BASP1: variants seen among roughly 807,000 people sequenced by gnomAD.
The protein encoded by BASP1 is brain acid soluble protein 1.
BASP1 carries 1 observed loss-of-function variant against 2.2 expected under a neutral mutation model. That is an observed-to-expected ratio of 0.46 (90% CI 0.16 to 2.17). BASP1 has a LOEUF of 2.17. BASP1 is among the 30% of genes most tolerant of loss of function. The pLI is 0.27. For missense variants in BASP1, 352 were observed against 327.2 expected (o/e 1.08, Z -0.58); for synonymous variants, 187 against 154.2 (o/e 1.21, Z -1.58).
At chr5:17,241,784 C>T (rs1467461356) in intron 1 of BASP1, among the ~76,000 whole-genome samples, 1 of 152,164 alleles carries the variant, frequency 6.6e-6, no homozygotes, top group East Asian at 1.9e-4. Context: ...GGAGTCAGAC[C>T]TGTGGGGACA....
At chr5:17,219,237 A>C (rs1305852828) in intron 1 of BASP1, among the ~76,000 whole-genome samples, 1 of 151,944 alleles carries the variant, frequency 6.6e-6, no homozygotes, top group Non-Finnish European at 1.5e-5. Context: ...CAGGGTGTGG[A>C]GGGCCCGGCA....
intron 1 of BASP1, among the ~76,000 whole-genome samples, chr5:17,259,265 C>T (rs7700449): frequency 0.39 from 58,949 of 151,908 alleles, 11,577 homozygotes; most frequent in African/African-American, 0.44. Context: ...TCATTCACCA[C>T]CACAAAAACA....
intron 1 of BASP1, among the ~76,000 whole-genome samples, chr5:17,232,653 T>C (rs1739657657): frequency 6.6e-6 from 1 of 152,190 alleles, no homozygotes; most frequent in African/African-American, 2.4e-5. Flanking sequence ...AACGCTGTCC[T>C]TTACTTTCAC....
rs1340667433 is a variant in BASP1 at position 17,275,792 on chromosome 5, G to GC, written c.578dup (p.Ser194Ter). On this transcript the variant is annotated frameshift_variant, in exon 2 of 2. Transcript: ENST00000322611. LOFTEE classifies it high-confidence loss of function. This position sits in a 1 kb window ranked among gnomAD's most constrained non-coding sequence, Gnocchi z 5.3. Reference sequence around the variant, plus strand: ...AGGAGACCCCCGCAGCCACGGAAGCGCCTAGTTCCACACCCAAGGCCCAGG... The same window carrying GC: ...AGGAGACCCCCGCAGCCACGGAAGCGCCCTAGTTCCACACCCAAGGCCCAGG... 4 of 1,612,910 alleles carry GC rather than the reference G, an allele frequency of 2.5e-6. No homozygotes were observed. Among genetic ancestry groups the GC allele is most frequent in the Non-Finnish European group, 3.4e-6 (4 of 1,179,698 alleles).
chr5:17,253,516 A>G (rs907153121), intron 1 of BASP1, among the ~76,000 whole-genome samples: 1 of 152,176 alleles, frequency 6.6e-6, no homozygotes, highest in Non-Finnish European at 1.5e-5. Flanking sequence ...TCTGGCTTAT[A>G]ATGATCTTTT....
chr5:17,256,191 T>C (rs568996510), intron 1 of BASP1, among the ~76,000 whole-genome samples: 118 of 152,290 alleles, frequency 7.7e-4, no homozygotes, highest in African/African-American at 2.3e-3. Flanking sequence ...AAAACTACAT[T>C]AGGAAAGATT....
chr5:17,252,628 C>G (rs181839886), intron 1 of BASP1, among the ~76,000 whole-genome samples: 1 of 152,180 alleles, frequency 6.6e-6, no homozygotes, highest in African/African-American at 2.4e-5. Context: ...TCTTTGCTCT[C>G]AGGCAGAATA....
chr5:17,270,470 GA>G (rs1740510123), intron 1 of BASP1, among the ~76,000 whole-genome samples: 1 of 152,204 alleles, frequency 6.6e-6, no homozygotes, highest in African/African-American at 2.4e-5. Context: ...AAAATATTCA[GA>G]GCGAAGAAGT....
intron 1 of BASP1, among the ~76,000 whole-genome samples, chr5:17,241,996 AT>A (rs2126500969): frequency 6.6e-6 from 1 of 152,262 alleles, no homozygotes; most frequent in Admixed American, 6.5e-5. Flanking sequence ...AGTGTCCCAC[AT>A]TTTAAGGGTG....
intron 1 of BASP1, among the ~76,000 whole-genome samples, chr5:17,242,954 G>T (rs1650379977): frequency 6.6e-6 from 1 of 151,868 alleles, no homozygotes; most frequent in Non-Finnish European, 1.5e-5. Flanking sequence ...ACATGTGCTT[G>T]TAAAATGTTT....
intron 1 of BASP1, among the ~76,000 whole-genome samples, chr5:17,257,327 A>AAAAAG (rs10693361): frequency 0.77 from 116,347 of 151,566 alleles, 45,038 homozygotes; most frequent in African/African-American, 0.86. Flanking sequence ...AACAAAACAA[A>AAAAAG]AAGAGTGATT....
rs780231328 is a variant in BASP1, at chr5:17,276,247, A to G, written c.*347A>G. On this transcript the variant is annotated 3_prime_UTR_variant, in exon 2 of 2. Coordinates refer to ENST00000322611, the MANE Select transcript of BASP1 (RefSeq NM_006317.5). ...ATCGTTTGTACCTGAAACTGCCGCC[A>G]CATGCACTCCTCCACCGCTGAGAGT... 5 of 198,704 alleles carry G rather than the reference A, an allele frequency of 2.5e-5. No individual in the cohort carries two copies. The highest frequency in any genetic ancestry group is 2.2e-5 in the Non-Finnish European group (2 of 89,368). 12.3% of individuals were successfully genotyped at this position (198,704 alleles called of 1,614,324 possible).
intron 1 of BASP1, among the ~76,000 whole-genome samples, chr5:17,257,891 C>G (rs1367365012): frequency 2.0e-5 from 3 of 152,200 alleles, no homozygotes; most frequent in African/African-American, 7.2e-5. Context: ...CAGAGCCAAA[C>G]AGCACCGTTC....
chr5:17,238,377 C>A (rs1472756781), intron 1 of BASP1, among the ~76,000 whole-genome samples: 1 of 152,104 alleles, frequency 6.6e-6, no homozygotes, highest in Non-Finnish European at 1.5e-5. Flanking sequence ...TCCCTTTCAA[C>A]TAACACCTAC....
rs773124074 is a variant in BASP1 at position 17,275,692 on chromosome 5, C to T, written c.476C>T (p.Ala159Val). Residue 159 changes from alanine (A) to valine (V), a missense_variant, in exon 2 of 2, where the codon GCC becomes GTC. Transcript: ENST00000322611. The surrounding 1 kb of genome is among the most constrained non-coding windows in gnomAD (Gnocchi z 5.3). ...KKTEAPAAPA[A>V]QETKSDGAPA... is the part of the protein sequence containing the mutation. ...ACTGAGGCGCCCGCAGCTCCTGCCG[C>T]CCAGGAGACCAAAAGTGACGGGGCC... 3 of 1,595,024 alleles carry T rather than the reference C, an allele frequency of 1.9e-6. No homozygotes were observed. The highest frequency in any genetic ancestry group is 3.5e-5 in the Admixed American group (2 of 57,438).
intron 1 of BASP1, among the ~76,000 whole-genome samples, chr5:17,242,773 G>A (rs552618656): frequency 3.2e-4 from 48 of 151,630 alleles, no homozygotes; most frequent in Middle Eastern, 6.8e-3. Flanking sequence ...TATTTGTAAC[G>A]GTACATCCTT....
At position 17,236,274 on chromosome 5, in the gene BASP1, T is replaced by G. The variant is rs1739743180; in HGVS notation, c.-10+18464T>G. ...TATCCAGAGAGCGAGTTTCTTTTCT[T>G]TTTTTTGGGATGGAGTTTCACTCTT... On this transcript the variant is annotated intron_variant, in intron 1 of 1. Transcript: ENST00000322611. This position sits in a 1 kb window ranked among gnomAD's most constrained non-coding sequence, Gnocchi z 4.0. 1.3e-5 allele frequency among the ~76,000 whole-genome samples: 2 copies of G among 152,140 alleles called. No individual in the cohort carries two copies. Among genetic ancestry groups the G allele is most frequent in the Non-Finnish European group, 1.5e-5 (1 of 68,016 alleles).
intron 1 of BASP1, among the ~76,000 whole-genome samples, chr5:17,226,727 T>C (rs1739515837): frequency 6.6e-6 from 1 of 152,220 alleles, no homozygotes; most frequent in African/African-American, 2.4e-5. Flanking sequence ...AGGTGTAAGA[T>C]GATTGGAGAA....
intron 1 of BASP1, among the ~76,000 whole-genome samples, chr5:17,272,225 C>T (rs73756113): frequency 0.026 from 3,897 of 152,066 alleles, 163 homozygotes; most frequent in African/African-American, 0.086. Flanking sequence ...TTCCTTATTC[C>T]CTCAACACCT....
Sources: allele counts gnomAD v4.1 joint callset (sites outside exome capture counted in the v4.1 genomes callset), GRCh38; gene constraint gnomAD v4.1.1; non-coding constraint Gnocchi (gnomAD v3.1); transcripts MANE v1.5; gene names NCBI Gene and HGNC (gene_info 2026-07-23, HGNC 2026-07-21).